The following BPNT2 variants were observed in gnomAD, a reference collection of about 807,000 sequenced individuals.
The protein encoded by BPNT2 is Golgi-resident adenosine 3',5'-bisphosphate 3'-phosphatase.
In BPNT2, 11 loss-of-function variants were observed where a neutral mutation model predicts 29.3. That is an observed-to-expected ratio of 0.38 (90% CI 0.24 to 0.62). BPNT2 has a LOEUF of 0.62. Ranked by LOEUF, BPNT2 falls within the 20% of genes least tolerant of loss-of-function variation. The pLI is 0.62. For synonymous variants in BPNT2, 195 were observed against 187.7 expected, an observed-to-expected ratio of 1.04 and a Z score of -0.32; for missense variants, 459 against 473.4, an observed-to-expected ratio of 0.97 and a Z score of 0.28.
intron 1 of BPNT2, 22 bp from the exon 2 acceptor site, chr8:56,980,219 G>A (rs749365881): frequency 6.2e-7 from 1 of 1,600,142 alleles, no homozygotes. Context: ...ACAGGTGACA[G>A]TTAAAAAAAG....
intron 1 of BPNT2, among the ~76,000 whole-genome samples, chr8:56,980,819 T>TATACACATACAC (rs755705861): frequency 7.1e-6 from 1 of 141,510 alleles, no homozygotes; most frequent in Non-Finnish European, 1.5e-5. Context: ...TACATACATA[T>TATACACATACAC]ACACACACAC....
intron 3 of BPNT2, among the ~76,000 whole-genome samples, chr8:56,976,272 C>G (rs1806131318): frequency 6.6e-6 from 1 of 152,112 alleles, no homozygotes; most frequent in African/African-American, 2.4e-5. Flanking sequence ...TGCCTGGCAC[C>G]AGGGAACTAC....
chr8:56,972,436 A>C (rs1349914076), intron 3 of BPNT2, among the ~76,000 whole-genome samples: 1 of 152,164 alleles, frequency 6.6e-6, no homozygotes, highest in Non-Finnish European at 1.5e-5. Flanking sequence ...ATTGTGGGAA[A>C]AAAAAAACAA....
chr8:56,966,122 T>TA (rs1805944599), intron 4 of BPNT2, 69 bp downstream of exon 4: 16 of 1,535,094 alleles, frequency 1.0e-5, no homozygotes, highest in Middle Eastern at 1.8e-4. Context: ...ACAAGCAAAT[T>TA]AGTCTCCTAA....
chr8:56,977,337 C>G (rs1426351802), intron 3 of BPNT2, among the ~76,000 whole-genome samples: 1 of 152,142 alleles, frequency 6.6e-6, no homozygotes, highest in Non-Finnish European at 1.5e-5. Flanking sequence ...ATGGCTCTCT[C>G]CTAGCTTCTG....
rs1029810852 is a variant in BPNT2, at chr8:56,958,725, G to A, written c.*5068C>T. ...GTTCCTGAAGTCCACACTGCCAAAA[G>A]GGAAAAACAAGAAAAACCAGCCCTA... On this transcript the variant is annotated 3_prime_UTR_variant, in exon 5 of 5. Transcript: ENST00000262644. The A allele has an allele frequency of 6.6e-6, 1 of 152,150 alleles. No homozygotes were observed. The highest frequency in any genetic ancestry group is 1.5e-5 in the Non-Finnish European group (1 of 68,024). 9.4% of individuals were successfully genotyped at this position (152,150 alleles called of 1,614,324 possible).
chr8:56,969,270 A>G (rs779695676), intron 3 of BPNT2, among the ~76,000 whole-genome samples: 9 of 152,266 alleles, frequency 5.9e-5, no homozygotes, highest in African/African-American at 1.9e-4. Context: ...CTAGCCAAGT[A>G]GTCTTTTAAG....
intron 3 of BPNT2, among the ~76,000 whole-genome samples, chr8:56,970,785 A>T (rs1032982716): frequency 1.3e-5 from 2 of 152,210 alleles, no homozygotes; most frequent in African/African-American, 4.8e-5. Flanking sequence ...GCCAAAAAAT[A>T]GGAAAGCAAA....
chr8:56,981,752 C>T, intron 1 of BPNT2, among the ~76,000 whole-genome samples: 1 of 152,086 alleles, frequency 6.6e-6, no homozygotes, highest in East Asian at 1.9e-4. Context: ...CATACACACA[C>T]ACAAGAAAAA....
chr8:56,973,668 G>C (rs1336338610), intron 3 of BPNT2, among the ~76,000 whole-genome samples: 1 of 152,188 alleles, frequency 6.6e-6, no homozygotes, highest in East Asian at 1.9e-4. Context: ...TGATGGAGAT[G>C]AGTGCTTCAA....
At position 56,963,309 on chromosome 8, in the gene BPNT2, G is replaced by A. The variant is rs1805873641; in HGVS notation, c.*484C>T. 6.5e-6 allele frequency: 1 copy of A among 153,568 alleles called. No homozygotes were observed. Among genetic ancestry groups the A allele is most frequent in the Admixed American group, 6.5e-5 (1 of 15,422 alleles). The allele number at this position is 153,568 out of a possible 1,614,324, so 9.5% of individuals were successfully genotyped here. A position where few individuals can be genotyped will look rare whatever the true frequency, so the allele number is the denominator to read the frequency against. On this transcript the variant is annotated 3_prime_UTR_variant, in exon 5 of 5. Coordinates refer to ENST00000262644, the MANE Select transcript of BPNT2 (RefSeq NM_017813.5). ...AATACAACATTTGTTGCATATTAAT[G>A]AATGTGTGGCTTCTTGTGCTTTCCA...
At chr8:56,993,073 A>C in intron 1 of BPNT2, 126 bp downstream of exon 1, 1 of 1,520,306 alleles carries the variant, frequency 6.6e-7, no homozygotes, top group Non-Finnish European at 8.8e-7. Context: ...GTGCACGTTA[A>C]CTTCTGCGTC....
Position 56,980,179 on chromosome 8 carries a change from C to T in BPNT2, c.406G>A (p.Val136Met), listed in dbSNP as rs766168164. ...PSVQINTEEHVDAADQEVILW... is the reference protein window; with the variant it reads ...PSVQINTEEHMDAADQEVILW... ...ATAACCTCCTGATCAGCTGCATCCA[C>T]GTGTTCCTCAGTATTAATCTGCATT... The change falls in exon 2 of 5, where the codon GTG (valine) becomes ATG (methionine). Residue 136 changes from valine (V) to methionine (M), a missense_variant. Transcript: ENST00000262644. The T allele has an allele frequency of 5.0e-5, 80 of 1,613,516 alleles. No homozygotes were observed. The highest frequency in any genetic ancestry group is 1.6e-4 in the Middle Eastern group (1 of 6,078).
Position 56,991,597 on chromosome 8 carries a change from A to T in BPNT2, c.387+1602T>A, listed in dbSNP as rs549241213. 5.9e-5 allele frequency among the ~76,000 whole-genome samples: 9 copies of T among 152,374 alleles called. No homozygotes were observed. In the South Asian group the frequency reaches 1.9e-3, roughly 32 times the overall value. On this transcript the variant is annotated intron_variant, in intron 1 of 4. Coordinates refer to ENST00000262644, the MANE Select transcript of BPNT2 (RefSeq NM_017813.5). ...CTAGCTAAAATGTGGGATAGTTCAT[A>T]TAAGCTGGAGTGTCACGAGCCTCAG...
chr8:56,973,373 T>C (rs926944468), intron 3 of BPNT2, among the ~76,000 whole-genome samples: 1 of 152,128 alleles, frequency 6.6e-6, no homozygotes, highest in Non-Finnish European at 1.5e-5. Context: ...TAGAGAACCC[T>C]GACAGAGAAA....
At chr8:56,971,861 T>A (rs1004087000) in intron 3 of BPNT2, among the ~76,000 whole-genome samples, 1 of 136,166 alleles carries the variant, frequency 7.3e-6, no homozygotes, top group Non-Finnish European at 1.5e-5. Flanking sequence ...TTTGGGAGGC[T>A]GAGGAGGGCG....
Position 56,963,729 on chromosome 8 carries a change from A to C in BPNT2, c.*64T>G, listed in dbSNP as rs977456990. 6.3e-7 allele frequency: 1 copy of C among 1,582,526 alleles called. No individual in the cohort carries two copies. The highest frequency in any genetic ancestry group is 8.7e-7 in the Non-Finnish European group (1 of 1,152,934). On this transcript the variant is annotated 3_prime_UTR_variant, in exon 5 of 5. Transcript: ENST00000262644. ...TGCATAGTCTCCACCAATCCTTTGA[A>C]GCTTCCAGCATCTCAGGCTAACCAT...
chr8:56,971,322 G>A (rs538801884), intron 3 of BPNT2, among the ~76,000 whole-genome samples: 5 of 148,408 alleles, frequency 3.4e-5, no homozygotes, highest in Non-Finnish European at 5.9e-5. Context: ...TGGTTGGTAC[G>A]TTCCTACACC....
chr8:56,980,058 A>G lies in BPNT2; in HGVS notation c.527T>C (p.Leu176Pro). The G allele has an allele frequency of 6.2e-7, 1 of 1,613,888 alleles. No individual in the cohort carries two copies. The highest frequency in any genetic ancestry group is 1.1e-5 in the South Asian group (1 of 91,072). Residue 176 changes from leucine to proline, a missense_variant, in exon 2 of 5, where the codon CTT becomes CCT. Physicochemically the swap from Leu to Pro is moderately conservative, Grantham distance 98. Coordinates refer to ENST00000262644, the MANE Select transcript of BPNT2 (RefSeq NM_017813.5). ...AESVTVWIDP[L>P]DATQEYTEDL... is the part of the protein sequence containing the mutation. ...ACCTGTATATTCCTGTGTAGCATCA[A>G]GTGGGTCAATCCAGACAGTAACACT...
Sources: allele counts gnomAD v4.1 joint callset (sites outside exome capture counted in the v4.1 genomes callset), GRCh38; gene constraint gnomAD v4.1.1; transcripts MANE v1.5; gene names NCBI Gene and HGNC (gene_info 2026-07-23, HGNC 2026-07-21).